The following LHFPL3 variants were observed in gnomAD, a reference collection of about 807,000 sequenced individuals.
LHFPL3 encodes the protein LHFPL tetraspan subfamily member 3 protein.
In LHFPL3, 5 loss-of-function variants were observed where a neutral mutation model predicts 19.3. The observed-to-expected ratio is 0.26, with a 90% CI of 0.14 to 0.54. The LOEUF is 0.54. Ranked by LOEUF, LHFPL3 falls within the 20% of genes least tolerant of loss-of-function variation. The pLI is 0.94. For synonymous variants in LHFPL3, 133 were observed against 126.2 expected (o/e 1.05, Z -0.36); for missense variants, 249 against 307.4 (o/e 0.81, Z 1.42).
chr7:104,597,963 T>C (rs143161599), intron 1 of LHFPL3, among the ~76,000 whole-genome samples: 8 of 152,262 alleles, frequency 5.3e-5, no homozygotes, highest in Non-Finnish European at 8.8e-5. Context: ...TCTGCTGACA[T>C]TGAAGCAAGA....
At chr7:104,432,200 A>G (rs746056075) in intron 1 of LHFPL3, among the ~76,000 whole-genome samples, 14 of 152,126 alleles carry the variant, frequency 9.2e-5, no homozygotes, top group Non-Finnish European at 1.9e-4. Context: ...GGCCTCCCCA[A>G]GAGTTTCTCC....
chr7:104,338,511 C>G (rs1303647021), intron 1 of LHFPL3, among the ~76,000 whole-genome samples: 1 of 152,146 alleles, frequency 6.6e-6, no homozygotes, highest in Non-Finnish European at 1.5e-5. Context: ...TTGAACAATA[C>G]TATTCCAGAG....
intron 2 of LHFPL3, among the ~76,000 whole-genome samples, chr7:104,902,170 G>A (rs1485088932): frequency 6.6e-6 from 1 of 151,962 alleles, no homozygotes; most frequent in Non-Finnish European, 1.5e-5. Flanking sequence ...ACTTGAGTCC[G>A]GGAGTTTGAA....
At chr7:104,578,438 G>C (rs187663531) in intron 1 of LHFPL3, among the ~76,000 whole-genome samples, 93 of 152,250 alleles carry the variant, frequency 6.1e-4, no homozygotes, top group Non-Finnish European at 1.2e-3. Flanking sequence ...TCACCTGTGG[G>C]TTCTAGGCCC....
chr7:104,408,636 C>T (rs1030611604), intron 1 of LHFPL3, among the ~76,000 whole-genome samples: 7 of 152,090 alleles, frequency 4.6e-5, no homozygotes, highest in Non-Finnish European at 7.4e-5. Context: ...TTTATCATCA[C>T]AACTTGAAAA....
At chr7:104,634,389 C>A (rs998652406) in intron 1 of LHFPL3, among the ~76,000 whole-genome samples, 1 of 152,132 alleles carries the variant, frequency 6.6e-6, no homozygotes, top group East Asian at 1.9e-4. Context: ...GTACAAGTGT[C>A]TTTTCCTTTT....
At chr7:104,850,881 AGGT>A (rs1791404031) in intron 2 of LHFPL3, among the ~76,000 whole-genome samples, 1 of 151,894 alleles carries the variant, frequency 6.6e-6, no homozygotes, top group Non-Finnish European at 1.5e-5. Context: ...TTTAAAATGT[AGGT>A]TCTGACCCCT....
rs987715888 is a variant in LHFPL3 at position 104,841,153 on chromosome 7, T to C, written c.683-65034T>C. Reference sequence around the variant, plus strand: ...TTTTGGCAGGGGCATTGATCTTCCTTTTCTCTAAGAAATCCTCTCCCATCT... The same window carrying C: ...TTTTGGCAGGGGCATTGATCTTCCTCTTCTCTAAGAAATCCTCTCCCATCT... On this transcript the variant is annotated intron_variant, in intron 2 of 2. Coordinates refer to ENST00000424859, the MANE Select transcript of LHFPL3 (RefSeq NM_199000.3). Among the ~76,000 whole-genome samples, 3 of 152,168 alleles carry C rather than the reference T, an allele frequency of 2.0e-5. No homozygotes were observed. The East Asian group carries it at 5.8e-4, about 29-fold the overall frequency.
chr7:104,579,526 A>G (rs1790414669), intron 1 of LHFPL3, among the ~76,000 whole-genome samples: 1 of 152,172 alleles, frequency 6.6e-6, no homozygotes, highest in African/African-American at 2.4e-5. Flanking sequence ...TAGTCCATGG[A>G]GTATATGTAC....
intron 1 of LHFPL3, among the ~76,000 whole-genome samples, chr7:104,728,582 T>C (rs1793631734): frequency 6.6e-6 from 1 of 152,218 alleles, no homozygotes; most frequent in African/African-American, 2.4e-5. Context: ...CAGTCTATTT[T>C]TGGCCTTAGC....
chr7:104,888,277 C>T (rs950718076), intron 2 of LHFPL3, among the ~76,000 whole-genome samples: 4 of 152,162 alleles, frequency 2.6e-5, no homozygotes, highest in African/African-American at 9.7e-5. Flanking sequence ...CACTTGTAAT[C>T]CCAGTGCTTT....
intron 1 of LHFPL3, among the ~76,000 whole-genome samples, chr7:104,409,935 C>A (rs987856363): frequency 6.6e-6 from 1 of 151,904 alleles, no homozygotes; most frequent in African/African-American, 2.4e-5. Flanking sequence ...AAGCAATGCA[C>A]GAGATTGTTA....
chr7:104,659,429 T>C (rs974207522), intron 1 of LHFPL3, among the ~76,000 whole-genome samples: 1 of 152,190 alleles, frequency 6.6e-6, no homozygotes, highest in African/African-American at 2.4e-5. Context: ...CATTCAGTGC[T>C]CTTTCACTCA....
intron 2 of LHFPL3, among the ~76,000 whole-genome samples, chr7:104,790,461 C>T (rs1790004187): frequency 6.6e-6 from 1 of 152,018 alleles, no homozygotes; most frequent in Admixed American, 6.6e-5. Context: ...CTGGAATTTG[C>T]TTGCACTTTT....
At chr7:104,357,547 C>T (rs995218829) in intron 1 of LHFPL3, among the ~76,000 whole-genome samples, 6 of 152,148 alleles carry the variant, frequency 3.9e-5, no homozygotes, top group African/African-American at 1.4e-4. Context: ...TTTAAGTCTC[C>T]CTTTCCCATC....
chr7:104,433,336 A>G (rs571342064), intron 1 of LHFPL3, among the ~76,000 whole-genome samples: 1 of 152,102 alleles, frequency 6.6e-6, no homozygotes, highest in Non-Finnish European at 1.5e-5. Context: ...GATAGTTTTG[A>G]CTTCACAAAT....
intron 1 of LHFPL3, among the ~76,000 whole-genome samples, chr7:104,368,931 C>T (rs550412760): frequency 3.3e-5 from 5 of 152,126 alleles, no homozygotes; most frequent in South Asian, 2.1e-4. Flanking sequence ...ACATACTTAC[C>T]AGCCCTTACA....
intron 2 of LHFPL3, among the ~76,000 whole-genome samples, chr7:104,742,809 ACT>A (rs1462426304): frequency 1.3e-5 from 2 of 151,990 alleles, no homozygotes; most frequent in African/African-American, 4.8e-5. Flanking sequence ...CACATTAAAT[ACT>A]CTTTTAGGAA....
intron 1 of LHFPL3, among the ~76,000 whole-genome samples, chr7:104,445,078 C>T (rs545075530): frequency 6.6e-6 from 1 of 151,850 alleles, no homozygotes; most frequent in Admixed American, 6.6e-5. Context: ...TTTTGGGTTG[C>T]CTAGGCAGTT....
Sources: allele counts gnomAD v4.1 joint callset (sites outside exome capture counted in the v4.1 genomes callset), GRCh38; gene constraint gnomAD v4.1.1; transcripts MANE v1.5; gene names NCBI Gene and HGNC (gene_info 2026-07-23, HGNC 2026-07-21).